Variants in RCC1L observed in about 807,000 individuals in gnomAD.
The protein encoded by RCC1L is RCC1-like G exchanging factor-like protein.
A neutral mutation model predicts 58.6 loss-of-function variants in RCC1L; 46 were observed. That is an observed-to-expected ratio of 0.79 (90% CI 0.62 to 1.00). The LOEUF (loss-of-function observed/expected upper bound fraction) is 1.00. Among genes scored for constraint, RCC1L ranks in the 50% least tolerant of loss-of-function variants. The pLI is 0.00. For synonymous variants in RCC1L, 281 were observed against 262.9 expected (o/e 1.07, Z -0.67); for missense variants, 636 against 623.6 (o/e 1.02, Z -0.21).
chr7:75,052,856 G>A (rs1805957278), intron 9 of RCC1L, 60 bp from the exon 10 acceptor site: 1 of 1,503,054 alleles, frequency 6.7e-7, no homozygotes, highest in Admixed American at 1.9e-5. Flanking sequence ...TCTCCAAGGA[G>A]AGGATGGGTC....
rs948433955 is a variant in RCC1L, at chr7:75,034,870, C to T, written c.1318-6791G>A. Among the ~76,000 whole-genome samples the T allele has an allele frequency of 5.2e-4, 79 of 151,954 alleles. 1 individual carries two copies. Among genetic ancestry groups the T allele is most frequent in the Admixed American group, 2.2e-3 (34 of 15,216 alleles). ...GGTCTTGCTATATTGCCCAGGCTGC[C>T]CTTGAACTCCTGAGCTCAAGTGATC... On this transcript the variant is annotated intron_variant, in intron 10 of 10. Transcript: ENST00000614461.
At chr7:75,031,899 G>A (rs1805315930) in intron 10 of RCC1L, among the ~76,000 whole-genome samples, 4 of 152,210 alleles carry the variant, frequency 2.6e-5, no homozygotes, top group East Asian at 3.8e-4. Context: ...CTGTAGGCAG[G>A]AGGCCTCAGT....
intron 1 of RCC1L, among the ~76,000 whole-genome samples, chr7:75,073,018 G>A (rs1806823342): frequency 6.6e-6 from 1 of 152,172 alleles, no homozygotes; most frequent in Non-Finnish European, 1.5e-5. Context: ...ATTTTCAATG[G>A]ACTTTTGAAT....
chr7:75,073,414 C>T lies in RCC1L; in HGVS notation c.324G>A (p.Lys108=), dbSNP rs1472308322. 8.0e-7 allele frequency: 1 copy of T among 1,255,520 alleles called. No homozygotes were observed. Among genetic ancestry groups the T allele is most frequent in the Non-Finnish European group, 1.0e-6 (1 of 971,858 alleles). 77.8% of individuals were successfully genotyped at this position (1,255,520 alleles called of 1,614,324 possible). The change falls in exon 1 of 11, where the codon AAG becomes AAA. Residue 108 remains lysine (K), a splice_region_variant and synonymous_variant. Coordinates refer to ENST00000610322, the MANE Select transcript of RCC1L (RefSeq NM_030798.5). ...AGAAGGAGGAAGCCGCGGCCTGCAC[C>T]TTTTGGTCCAGCTCCAGGCGATAGG... The part of the protein sequence containing the change: ...PVPYRLELDQ[K]ISSAACGYGF...
intron 10 of RCC1L, among the ~76,000 whole-genome samples, chr7:75,035,744 G>A (rs1805419418): frequency 6.6e-6 from 1 of 151,186 alleles, no homozygotes; most frequent in South Asian, 2.1e-4. Context: ...GCTCATGCCT[G>A]TAATCCCAAC....
intron 10 of RCC1L, among the ~76,000 whole-genome samples, chr7:75,036,277 C>T (rs973946656): frequency 3.4e-4 from 51 of 151,800 alleles, no homozygotes; most frequent in South Asian, 8.4e-4. Flanking sequence ...CCACCATGCC[C>T]GGCTAATTTT....
intron 10 of RCC1L, 118 bp downstream of exon 10, chr7:75,052,593 A>C: frequency 1.1e-6 from 1 of 926,086 alleles, no homozygotes; most frequent in Non-Finnish European, 1.7e-6. Context: ...CAGGACCCGG[A>C]AGGGGGAGCA....
intron 6 of RCC1L, among the ~76,000 whole-genome samples, chr7:75,059,460 G>A (rs1055571129): frequency 2.0e-5 from 3 of 152,004 alleles, no homozygotes; most frequent in Admixed American, 2.0e-4. Flanking sequence ...TCACAGAGAT[G>A]CGGTTTCGTC....
At chr7:75,027,790 G>A (rs1381539457) in exon 11 of RCC1L, 8 of 556,224 alleles carry the variant, frequency 1.4e-5, no homozygotes, top group Admixed American at 9.6e-5. Flanking sequence ...TTATCTTCTC[G>A]GCGTTCTGTG....
At position 75,057,530 on chromosome 7, in the gene RCC1L, GT is replaced by G; in HGVS notation, c.1055del (p.Asn352ThrfsTer20). 2 of 1,613,844 alleles carry G rather than the reference GT, an allele frequency of 1.2e-6. No individual in the cohort carries two copies. On this transcript the variant is annotated frameshift_variant and splice_region_variant, in exon 8 of 11. Transcript: ENST00000610322. LOFTEE classifies it high-confidence loss of function. ...ACGGTGCAVL[N>X]GEGHVFVWGY... is the part of the protein sequence containing the mutation. ...GAGCCACCGGAAAGAAGGTCTCACC[GT>G]TTAACACTGCACAGCCCGTGCCACC...
intron 10 of RCC1L, 124 bp from the exon 11 acceptor site, chr7:75,043,233 C>CAGGTGACAGCTTGTCTCAGT: frequency 1.7e-5 from 19 of 1,096,936 alleles, no homozygotes; most frequent in Non-Finnish European, 2.3e-5. Context: ...CTTGTCTCAG[C>CAGGTGACAGCTTGTCTCAGT]AGGAGACAGC....
At chr7:75,033,708 AATT>A (rs1164572310) in intron 10 of RCC1L, among the ~76,000 whole-genome samples, 2 of 151,418 alleles carry the variant, frequency 1.3e-5, no homozygotes, top group African/African-American at 4.9e-5. Context: ...AAAAAAAAAA[AATT>A]AGCCGGGTGT....
chr7:75,027,869 A>T (rs1805182056), exon 11 of RCC1L: 1 of 800,732 alleles, frequency 1.2e-6, no homozygotes, highest in Non-Finnish European at 2.1e-6. Flanking sequence ...TTTCCCAGGC[A>T]GGGGCCGTCT....
chr7:75,028,078 G>A, exon 11 of RCC1L: 1 of 1,532,036 alleles, frequency 6.5e-7, no homozygotes, highest in Non-Finnish European at 8.7e-7. Flanking sequence ...TGGGGCAGGT[G>A]CCTGGCGGGG....
intron 10 of RCC1L, among the ~76,000 whole-genome samples, chr7:75,032,814 G>A (rs1277231880): frequency 3.9e-5 from 6 of 152,264 alleles, no homozygotes; most frequent in South Asian, 4.1e-4. Context: ...GCTCACACCT[G>A]TAATCCCAGC....
intron 10 of RCC1L, 52 bp from the exon 11 acceptor site, chr7:75,043,161 G>A: frequency 6.2e-7 from 1 of 1,606,540 alleles, no homozygotes; most frequent in Non-Finnish European, 8.5e-7. Context: ...ACCCGGAGGA[G>A]ACAGGCGCTG....
At chr7:75,066,915 G>T in intron 2 of RCC1L, 123 bp from the exon 3 acceptor site, 1 of 1,318,708 alleles carries the variant, frequency 7.6e-7, no homozygotes, top group Non-Finnish European at 9.9e-7. Context: ...CATCAAGACA[G>T]GTAAGTTAGG....
downstream of RCC1L, among the ~76,000 whole-genome samples, chr7:75,040,800 T>C (rs951539792): frequency 1.3e-3 from 192 of 152,294 alleles, 1 homozygote; most frequent in Non-Finnish European, 2.2e-3. Context: ...TTGACTGTAA[T>C]AAACCTAAGA....
At chr7:75,043,761 G>C (rs1805635410) in intron 10 of RCC1L, among the ~76,000 whole-genome samples, 1 of 152,148 alleles carries the variant, frequency 6.6e-6, no homozygotes, top group African/African-American at 2.4e-5. Flanking sequence ...GCTGCAGTGA[G>C]CCAAGATTGC....
Sources: gnomAD v4.1 joint callset for allele counts (sites outside exome capture counted in the v4.1 genomes callset) on GRCh38, gnomAD v4.1.1 for gene constraint, MANE v1.5 for transcripts, NCBI Gene and HGNC (gene_info 2026-07-23, HGNC 2026-07-21) for gene names.